The following ARHGAP17 variants were observed in gnomAD, a reference collection of about 807,000 sequenced individuals.
The protein encoded by ARHGAP17 is rho GTPase-activating protein 17.
Under a neutral mutation model 99.5 loss-of-function variants are expected in ARHGAP17, and 57 were observed. The observed-to-expected ratio is 0.57, with a 90% CI of 0.46 to 0.71. The LOEUF is 0.71. ARHGAP17 is among the 30% of genes least tolerant of loss of function. The pLI, the probability that ARHGAP17 is intolerant of heterozygous loss-of-function variation, is 0.00. For synonymous variants in ARHGAP17, 417 were observed against 429.6 expected (o/e 0.97, Z 0.36); for missense variants, 1,000 against 1,122.4 (o/e 0.89, Z 1.56).
At chr16:24,983,030 G>T (rs13332338) in intron 1 of ARHGAP17, among the ~76,000 whole-genome samples, 1 of 92,460 alleles carries the variant, frequency 1.1e-5, no homozygotes. Context: ...TTTGAGACAG[G>T]GTCTCGTTCT....
Position 24,975,778 on chromosome 16 carries a change from T to C in ARHGAP17, c.198+1437A>G, listed in dbSNP as rs114051596. 3.7e-3 allele frequency among the ~76,000 whole-genome samples: 566 copies of C among 152,194 alleles called. 2 individuals are homozygous for C. Among genetic ancestry groups the C allele is most frequent in the African/African-American group, 0.013 (522 of 41,522 alleles). ...ACTGTCACTTCAATGTTGCATGGGG[T>C]CTAAGGTTTACCGCATGCTCATAAG... On this transcript the variant is annotated intron_variant, in intron 3 of 19. Coordinates refer to ENST00000289968, the MANE Select transcript of ARHGAP17 (RefSeq NM_001006634.3).
At chr16:24,998,161 G>C (rs984473229) in intron 1 of ARHGAP17, among the ~76,000 whole-genome samples, 1 of 151,990 alleles carries the variant, frequency 6.6e-6, no homozygotes, top group Non-Finnish European at 1.5e-5. Context: ...ACTGGGCCCC[G>C]GGCACAGGGA....
At chr16:24,940,155 C>T (rs975317748) in intron 16 of ARHGAP17, among the ~76,000 whole-genome samples, 27 of 152,262 alleles carry the variant, frequency 1.8e-4, no homozygotes, top group Middle Eastern at 3.4e-3. Context: ...AACTCCTGGC[C>T]TCAAGTATTC....
intron 18 of ARHGAP17, 76 bp from the exon 19 acceptor site, chr16:24,931,480 T>A: frequency 7.2e-7 from 1 of 1,396,996 alleles, no homozygotes; most frequent in Non-Finnish European, 9.4e-7. Context: ...AGCCCAAATT[T>A]AACATCACCA....
chr16:24,989,339 G>C (rs745646623), intron 1 of ARHGAP17, among the ~76,000 whole-genome samples: 2 of 152,184 alleles, frequency 1.3e-5, no homozygotes, highest in Non-Finnish European at 2.9e-5. Flanking sequence ...CAACTTACAA[G>C]GACTCATTTA....
intron 12 of ARHGAP17, among the ~76,000 whole-genome samples, chr16:24,952,060 C>T (rs1359719813): frequency 6.6e-6 from 1 of 152,174 alleles, no homozygotes; most frequent in Non-Finnish European, 1.5e-5. Flanking sequence ...TGTCTTCATC[C>T]ACCTAAATAA....
chr16:24,947,838 T>C (rs1000128145), intron 13 of ARHGAP17, among the ~76,000 whole-genome samples: 4 of 152,210 alleles, frequency 2.6e-5, no homozygotes, highest in African/African-American at 9.6e-5. Flanking sequence ...TGAACCCCTA[T>C]TGGCTGTATA....
chr16:25,006,960 G>A (rs140795473), intron 1 of ARHGAP17, among the ~76,000 whole-genome samples: 37 of 152,286 alleles, frequency 2.4e-4, no homozygotes, highest in African/African-American at 8.4e-4. Flanking sequence ...TCACCCAGGG[G>A]AACGGTCTGA....
At chr16:24,927,604 A>T (rs1285137507) in intron 19 of ARHGAP17, 1 of 673,236 alleles carries the variant, frequency 1.5e-6, no homozygotes, top group Non-Finnish European at 2.0e-6. Flanking sequence ...TAGGGTGGCC[A>T]GTTAGTAACA....
chr16:25,014,998 C>T (rs1304166002), intron 1 of ARHGAP17, among the ~76,000 whole-genome samples: 2 of 151,576 alleles, frequency 1.3e-5, no homozygotes, highest in Non-Finnish European at 1.5e-5. Context: ...GTCTCGGGAG[C>T]CCGGCGGCGC....
intron 1 of ARHGAP17, among the ~76,000 whole-genome samples, chr16:25,006,219 C>T (rs913505585): frequency 3.3e-5 from 5 of 151,030 alleles, no homozygotes; most frequent in Admixed American, 6.6e-5. Flanking sequence ...ATGAAGTCAA[C>T]AGATAATCAA....
Position 24,942,099 on chromosome 16 carries a change from G to C in ARHGAP17, c.1378C>G (p.Pro460Ala). The change falls in exon 16 of 20, where the codon CCG becomes GCG. Residue 460 changes from proline (P) to alanine (A), a missense_variant. Transcript: ENST00000289968. The stretch of plus-strand genomic sequence containing the variant: ...GTGTGGAATGAGTGATTAGAACTCG[G>C]GGTGGTGAGAGGTACAAATGCTTCT... Reference protein sequence around the residue: ...VSEAFVPLTTPSSNHSFHTGN... With the variant: ...VSEAFVPLTTASSNHSFHTGN... 1 of 1,614,120 alleles carries C rather than the reference G, an allele frequency of 6.2e-7. No homozygotes were observed. Among genetic ancestry groups the C allele is most frequent in the Non-Finnish European group, 8.5e-7 (1 of 1,180,002 alleles).
chr16:24,972,934 A>AT (rs898655980), intron 3 of ARHGAP17, among the ~76,000 whole-genome samples: 3 of 127,756 alleles, frequency 2.3e-5, no homozygotes, highest in Non-Finnish European at 4.9e-5. Context: ...ATCATCAGGG[A>AT]TAATTTTTTT....
At chr16:24,947,693 T>C (rs2051515156) in intron 13 of ARHGAP17, 98 bp from the exon 14 acceptor site, 1 of 955,556 alleles carries the variant, frequency 1.0e-6, no homozygotes, top group East Asian at 2.5e-5. Context: ...GCTCAGGTGC[T>C]AACTGCAGAG....
At chr16:24,998,192 G>A (rs1338130300) in intron 1 of ARHGAP17, among the ~76,000 whole-genome samples, 2 of 152,070 alleles carry the variant, frequency 1.3e-5, no homozygotes, top group African/African-American at 4.8e-5. Flanking sequence ...AGGAAAGTGG[G>A]AGGAGAGGGT....
At chr16:24,991,844 G>A (rs1474937680) in intron 1 of ARHGAP17, among the ~76,000 whole-genome samples, 3 of 152,182 alleles carry the variant, frequency 2.0e-5, no homozygotes, top group African/African-American at 4.8e-5. Context: ...CGGTATTTAC[G>A]GAGTTCCCAC....
At chr16:24,970,420 C>T in intron 4 of ARHGAP17, 87 bp downstream of exon 4, 2 of 1,257,288 alleles carry the variant, frequency 1.6e-6, no homozygotes, top group Non-Finnish European at 2.3e-6. Context: ...CTCACAGTTC[C>T]TCTCACAGGT....
chr16:25,009,352 G>C (rs2053584890), intron 1 of ARHGAP17, among the ~76,000 whole-genome samples: 1 of 139,498 alleles, frequency 7.2e-6, no homozygotes, highest in African/African-American at 2.9e-5. Flanking sequence ...GGGCGGCAGA[G>C]CGAGACTCCG....
chr16:24,922,246 C>T (rs1338853939), intron 19 of ARHGAP17, among the ~76,000 whole-genome samples: 1 of 152,184 alleles, frequency 6.6e-6, no homozygotes, highest in Admixed American at 6.5e-5. Flanking sequence ...ACTATGGAAC[C>T]GACATGACTT....
Sources: gnomAD v4.1 joint callset for allele counts (sites outside exome capture counted in the v4.1 genomes callset) on GRCh38, gnomAD v4.1.1 for gene constraint, MANE v1.5 for transcripts, NCBI Gene and HGNC (gene_info 2026-07-23, HGNC 2026-07-21) for gene names.